The following TMCC2 variants were observed in gnomAD, a reference collection of about 807,000 sequenced individuals.
TMCC2 encodes the protein transmembrane and coiled-coil domains protein 2.
A neutral mutation model predicts 49.4 loss-of-function variants in TMCC2; 16 were observed. That is an observed-to-expected ratio of 0.32 (90% CI 0.22 to 0.49). The LOEUF is 0.49. Ranked by LOEUF, TMCC2 falls within the 20% of genes least tolerant of loss-of-function variation. The pLI, the probability that TMCC2 is intolerant of heterozygous loss-of-function variation, is 0.99. For synonymous variants in TMCC2, 397 were observed against 434.1 expected, an observed-to-expected ratio of 0.91 and a Z score of 1.06; for missense variants, 762 against 989.8, an observed-to-expected ratio of 0.77 and a Z score of 3.09.
At position 205,268,879 on chromosome 1, in the gene TMCC2, C is replaced by T. The variant is rs1344908546; in HGVS notation, c.748-71C>T. ...ATTTTCTAGATAGAAAAACCAAGTCCAGAGGCATCCAGGGGCACTCCTATG... is the reference window on the plus strand; with the variant it reads ...ATTTTCTAGATAGAAAAACCAAGTCTAGAGGCATCCAGGGGCACTCCTATG... On this transcript the variant is annotated intron_variant, in intron 2 of 4. Coordinates refer to ENST00000358024, the MANE Select transcript of TMCC2 (RefSeq NM_014858.4). 4 of 1,483,184 alleles carry T rather than the reference C, an allele frequency of 2.7e-6. No homozygotes were observed. In the Admixed American group the frequency reaches 5.6e-5, roughly 21 times the overall value. The allele number at this position is 1,483,184 out of a possible 1,614,324, so 91.9% of individuals were successfully genotyped here. A position where few individuals can be genotyped will look rare whatever the true frequency, so the allele number is the denominator to read the frequency against.
At chr1:205,271,302 T>G in intron 4 of TMCC2, 47 bp downstream of exon 4, 2 of 1,613,578 alleles carry the variant, frequency 1.2e-6, no homozygotes, top group Non-Finnish European at 1.7e-6. Flanking sequence ...CTGGTAGAGC[T>G]GGCAGCAGCC....
chr1:205,269,851 A>T lies in TMCC2; in HGVS notation c.1649A>T (p.Tyr550Phe). The T allele has an allele frequency of 6.2e-7, 1 of 1,613,922 alleles. No individual in the cohort carries two copies. The highest frequency in any genetic ancestry group is 8.5e-7 in the Non-Finnish European group (1 of 1,179,926). The change falls in exon 3 of 5, where the codon TAC becomes TTC. Residue 550 changes from tyrosine to phenylalanine, a missense_variant. Physicochemically the swap from Tyr to Phe is conservative, Grantham distance 22. Coordinates refer to ENST00000358024, the MANE Select transcript of TMCC2 (RefSeq NM_014858.4). ...ACTCAGCTGCAGAGGGACTACACCTACATGACCCAGTGCCTGCAGGAGGAG... is the reference window on the plus strand; with the variant it reads ...ACTCAGCTGCAGAGGGACTACACCTTCATGACCCAGTGCCTGCAGGAGGAG... Reference protein sequence around the residue: ...LKTQLQRDYTYMTQCLQEERY... With the variant: ...LKTQLQRDYTFMTQCLQEERY...
chr1:205,258,639 T>G (rs1041533107), intron 2 of TMCC2, among the ~76,000 whole-genome samples: 1 of 152,200 alleles, frequency 6.6e-6, no homozygotes, highest in Admixed American at 6.5e-5. Flanking sequence ...ACCGGGCTAT[T>G]CCTGCTGAGT....
At chr1:205,263,480 C>G (rs1661199818) in intron 2 of TMCC2, among the ~76,000 whole-genome samples, 2 of 152,128 alleles carry the variant, frequency 1.3e-5, no homozygotes, top group South Asian at 4.2e-4. Context: ...TGCTTAAGCC[C>G]AGGAGTTTGA....
At chr1:205,236,068 CA>C (rs3060144) in intron 1 of TMCC2, among the ~76,000 whole-genome samples, 55,618 of 115,996 alleles carry the variant, frequency 0.48, 13,907 homozygotes, top group African/African-American at 0.77. Context: ...GACTCTGTCT[CA>C]AAAAAAAAAA....
intron 2 of TMCC2, chr1:205,246,525 G>A (rs969640401): frequency 6.6e-7 from 1 of 1,515,584 alleles, no homozygotes; most frequent in Admixed American, 2.2e-5. Context: ...GCCTCCACTG[G>A]GGAGAAGTCT....
At chr1:205,257,251 C>T in intron 2 of TMCC2, 2 of 1,232,296 alleles carry the variant, frequency 1.6e-6, no homozygotes, top group Non-Finnish European at 2.0e-6. Flanking sequence ...GCTCGCAGCC[C>T]AGTGCTGCCC....
At position 205,272,513 on chromosome 1, in the gene TMCC2, C is replaced by G. The variant is rs543872885; in HGVS notation, c.*389C>G. ...AACTTTCCTAGGAAAGAGCCCACCT[C>G]GGAGATAGCTACGGTTTTCTCTGGT... On this transcript the variant is annotated 3_prime_UTR_variant, in exon 5 of 5. Coordinates refer to ENST00000358024, the MANE Select transcript of TMCC2 (RefSeq NM_014858.4). 1.1e-4 allele frequency: 24 copies of G among 217,846 alleles called. 1 individual carries two copies. In the East Asian group the frequency reaches 1.7e-3, roughly 16 times the overall value. 13.5% of individuals were successfully genotyped at this position (217,846 alleles called of 1,614,324 possible). A position where few individuals can be genotyped will look rare whatever the true frequency, so the allele number is the denominator to read the frequency against.
chr1:205,266,310 G>T (rs1039689458), intron 2 of TMCC2, among the ~76,000 whole-genome samples: 1 of 151,506 alleles, frequency 6.6e-6, no homozygotes, highest in Admixed American at 6.6e-5. Context: ...ATAATTTTGG[G>T]CCGGGCGCGG....
intron 2 of TMCC2, among the ~76,000 whole-genome samples, chr1:205,263,410 C>G (rs1346622359): frequency 1.3e-5 from 2 of 152,082 alleles, no homozygotes; most frequent in African/African-American, 4.8e-5. Flanking sequence ...ACAGTCTGGC[C>G]GAGTGCAGCT....
intron 2 of TMCC2, among the ~76,000 whole-genome samples, chr1:205,258,540 G>A (rs1322071584): frequency 2.0e-5 from 3 of 152,154 alleles, no homozygotes; most frequent in Non-Finnish European, 2.9e-5. Context: ...GAGCACCCGG[G>A]TCAGCTGTGA....
chr1:205,257,081 C>G, intron 2 of TMCC2: 1 of 1,076,520 alleles, frequency 9.3e-7, no homozygotes, highest in Non-Finnish European at 1.2e-6. Context: ...GCTCGGTCCT[C>G]CCGCGCTCGG....
chr1:205,228,435 T>G lies in TMCC2; in HGVS notation c.-130T>G. The G allele has an allele frequency of 2.9e-6, 2 of 699,778 alleles. No homozygotes were observed. The highest frequency in any genetic ancestry group is 4.5e-6 in the Non-Finnish European group (2 of 444,048). The allele number at this position is 699,778 out of a possible 1,614,324, so 43.3% of individuals were successfully genotyped here. On this transcript the variant is annotated 5_prime_UTR_variant, in exon 1 of 5. In the 5' UTR this introduces an upstream ATG that the reference lacks. Transcript: ENST00000358024. ...GAATTTTTTTTTTAATTCAAGAAAT[T>G]GTGGTCTGCCATCTCCCCTCCTTGT...
intron 2 of TMCC2, among the ~76,000 whole-genome samples, chr1:205,250,045 C>T (rs1660605699): frequency 6.6e-6 from 1 of 152,150 alleles, no homozygotes; most frequent in Non-Finnish European, 1.5e-5. Context: ...CAGGTGAAGC[C>T]CTTGCCTTGT....
rs1462207025 is a variant in TMCC2, at chr1:205,269,246, C to T, written c.1044C>T (p.Ala348=). 1.2e-6 allele frequency: 2 copies of T among 1,613,792 alleles called. No individual in the cohort carries two copies. The highest frequency in any genetic ancestry group is 1.7e-6 in the Non-Finnish European group (2 of 1,180,050). Residue 348 remains alanine, a synonymous_variant, in exon 3 of 5, where the codon GCC becomes GCT. Transcript: ENST00000358024. ...KKNQKSAQTI[A]QLHKKLEHYR... is the part of the protein sequence containing the mutation. ...ACCAGAAGTCAGCCCAGACCATCGCCCAGCTGCACAAGAAGCTGGAGCACT... is the reference window on the plus strand; with the variant it reads ...ACCAGAAGTCAGCCCAGACCATCGCTCAGCTGCACAAGAAGCTGGAGCACT...
chr1:205,261,951 T>TC (rs1357107167), intron 2 of TMCC2, among the ~76,000 whole-genome samples: 1 of 152,206 alleles, frequency 6.6e-6, no homozygotes, highest in Non-Finnish European at 1.5e-5. Context: ...TCTGTCCTGT[T>TC]CCAGCACTCT....
chr1:205,272,335 T>C lies in TMCC2; in HGVS notation c.*211T>C. On this transcript the variant is annotated 3_prime_UTR_variant, in exon 5 of 5. Coordinates refer to ENST00000358024, the MANE Select transcript of TMCC2 (RefSeq NM_014858.4). ...CTTAGAATGCAGCCCTACCTGGAGA[T>C]AGTGCGGGCACCTGTGGCCAAGTGG... 2.0e-6 allele frequency: 2 copies of C among 1,001,284 alleles called. No homozygotes were observed. The highest frequency in any genetic ancestry group is 2.8e-6 in the Non-Finnish European group (2 of 706,660). 62.0% of individuals were successfully genotyped at this position (1,001,284 alleles called of 1,614,324 possible).
intron 1 of TMCC2, among the ~76,000 whole-genome samples, chr1:205,231,955 T>C (rs1032596875): frequency 2.0e-5 from 3 of 152,086 alleles, no homozygotes; most frequent in Non-Finnish European, 4.4e-5. Context: ...ATAATAATAA[T>C]AATAAAGGAC....
chr1:205,253,851 T>C (rs1295048496), intron 2 of TMCC2, among the ~76,000 whole-genome samples: 1 of 152,230 alleles, frequency 6.6e-6, no homozygotes, highest in Non-Finnish European at 1.5e-5. Context: ...CATACATCCA[T>C]GGTGAGGGAG....
Sources: allele counts gnomAD v4.1 joint callset (sites outside exome capture counted in the v4.1 genomes callset), GRCh38; gene constraint gnomAD v4.1.1; transcripts MANE v1.5; gene names NCBI Gene and HGNC (gene_info 2026-07-23, HGNC 2026-07-21).